RREB1: variants seen among roughly 807,000 people sequenced by gnomAD.
The protein encoded by RREB1 is ras responsive element binding protein 1, also known as ras-responsive element-binding protein 1.
A neutral mutation model predicts 117.8 loss-of-function variants in RREB1; 27 were observed. The observed-to-expected ratio is 0.23, with a 90% confidence interval of 0.17 to 0.32. RREB1 has a LOEUF of 0.32. Among genes scored for constraint, RREB1 ranks in the 10% least tolerant of loss-of-function variants. RREB1 has a pLI of 1.00. For missense variants in RREB1, 2,577 were observed against 2,378.2 expected, an observed-to-expected ratio of 1.08 and a Z score of -1.74; for synonymous variants, 1,298 against 1,026.7, an observed-to-expected ratio of 1.26 and a Z score of -5.05.
At position 7,231,270 on chromosome 6, in the gene RREB1, C is replaced by A; in HGVS notation, c.3171C>A (p.Pro1057=). ...PKPPLLLPKP[P]VTEELPPLAS... Reference sequence around the variant, plus strand: ...CCCCGCTGCTTTTGCCAAAGCCCCCCGTGACAGAAGAGCTGCCCCCGCTGG... The same window carrying A: ...CCCCGCTGCTTTTGCCAAAGCCCCCAGTGACAGAAGAGCTGCCCCCGCTGG... The change falls in exon 10 of 13, where the codon CCC becomes CCA. Residue 1057 remains proline, a synonymous_variant. Transcript: ENST00000379938. 1 of 1,612,150 alleles carries A rather than the reference C, an allele frequency of 6.2e-7. No homozygotes were observed. Among genetic ancestry groups the A allele is most frequent in the African/African-American group, 1.3e-5 (1 of 75,014 alleles).
chr6:7,231,359 C>G lies in RREB1; in HGVS notation c.3260C>G (p.Ala1087Gly). ...CCCACCCTGCTGAAAACCAAGGTGG[C>G]GGACCCAGGGCCCGCAAGCACTGGC... ...SAPTLLKTKV[A>G]DPGPASTGSN... The change falls in exon 10 of 13, where the codon GCG (alanine) becomes GGG (glycine). Residue 1087 changes from alanine (A) to glycine (G), a missense_variant. Transcript: ENST00000379938. 6.2e-7 allele frequency: 1 copy of G among 1,612,778 alleles called. No individual in the cohort carries two copies. Among genetic ancestry groups the G allele is most frequent in the Non-Finnish European group, 8.5e-7 (1 of 1,179,408 alleles).
chr6:7,231,076 A>G lies in RREB1; in HGVS notation c.2977A>G (p.Met993Val), dbSNP rs774006214. ...GCCCAGCGGAATCCTGGAAAGCCCCATGGCCCCTGCTCCGGCGGCCACCCC... is the reference window on the plus strand; with the variant it reads ...GCCCAGCGGAATCCTGGAAAGCCCCGTGGCCCCTGCTCCGGCGGCCACCCC... ...LGPSGILESP[M>V]APAPAATPEP... The change falls in exon 10 of 13, where the codon ATG (methionine) becomes GTG (valine). Residue 993 changes from methionine (M) to valine (V), a missense_variant. Coordinates refer to ENST00000379938, the MANE Select transcript of RREB1 (RefSeq NM_001003699.4). 24 of 1,613,372 alleles carry G rather than the reference A, an allele frequency of 1.5e-5. No homozygotes were observed. Among genetic ancestry groups the G allele is most frequent in the Non-Finnish European group, 1.9e-5 (22 of 1,179,950 alleles).
Position 7,230,590 on chromosome 6 carries a change from C to T in RREB1, c.2491C>T (p.Leu831=), listed in dbSNP as rs1767876754. 8.1e-6 allele frequency: 13 copies of T among 1,604,080 alleles called. No individual in the cohort carries two copies. Among genetic ancestry groups the T allele is most frequent in the Non-Finnish European group, 1.1e-5 (13 of 1,176,038 alleles). The change falls in exon 10 of 13, where the codon CTG becomes TTG. Residue 831 remains leucine (L), a synonymous_variant. Coordinates refer to ENST00000379938, the MANE Select transcript of RREB1 (RefSeq NM_001003699.4). Reference sequence around the variant, plus strand: ...GAGCTACGTGCTGGCCGCCGACGGCCTGGGCCCCGCAGAGGCGCCGGCCGC... The same window carrying T: ...GAGCTACGTGCTGGCCGCCGACGGCTTGGGCCCCGCAGAGGCGCCGGCCGC... ...IESYVLAADG[L]GPAEAPAAEA...
At chr6:7,172,355 C>G (rs892984451) in intron 1 of RREB1, among the ~76,000 whole-genome samples, 1 of 152,088 alleles carries the variant, frequency 6.6e-6, no homozygotes, top group Non-Finnish European at 1.5e-5. Context: ...CCCCCCTTCA[C>G]CTCTGCACTT....
chr6:7,211,076 A>T (rs78255764), intron 7 of RREB1, 128 bp downstream of exon 7: 1 of 922,550 alleles, frequency 1.1e-6, no homozygotes, highest in East Asian at 2.5e-5. Context: ...GTGTTTTCCC[A>T]TACTGTTTCT....
intron 1 of RREB1, among the ~76,000 whole-genome samples, chr6:7,111,467 A>G (rs1761141570): frequency 6.6e-6 from 1 of 152,200 alleles, no homozygotes; most frequent in South Asian, 2.1e-4. Context: ...GTTTCTGTTC[A>G]TTATCCTTCT....
chr6:7,158,225 C>T (rs987059185), intron 1 of RREB1, among the ~76,000 whole-genome samples: 3 of 152,134 alleles, frequency 2.0e-5, no homozygotes, highest in Non-Finnish European at 4.4e-5. Context: ...GAGCGACTCT[C>T]TTCCTTTCTG....
intron 1 of RREB1, among the ~76,000 whole-genome samples, chr6:7,124,518 C>T (rs1329929862): frequency 6.6e-6 from 1 of 152,064 alleles, no homozygotes; most frequent in Admixed American, 6.6e-5. Flanking sequence ...TCCTAAACAC[C>T]AGAAACTGCA....
chr6:7,122,860 T>TG (rs1380284516), intron 1 of RREB1, among the ~76,000 whole-genome samples: 1 of 152,010 alleles, frequency 6.6e-6, no homozygotes, highest in Middle Eastern at 3.2e-3. Context: ...TATCCAAAAT[T>TG]GGGGGTGATA....
chr6:7,176,877 A>G (rs1218720955), intron 2 of RREB1, 104 bp downstream of exon 2: 1 of 152,468 alleles, frequency 6.6e-6, no homozygotes, highest in Non-Finnish European at 1.5e-5. Context: ...TTTAATTGTC[A>G]TGCCATTTCC....
intron 1 of RREB1, among the ~76,000 whole-genome samples, chr6:7,139,596 A>G (rs185780540): frequency 6.6e-6 from 1 of 152,342 alleles, no homozygotes; most frequent in Admixed American, 6.5e-5. Flanking sequence ...TAAATATTCG[A>G]CAATATAACT....
chr6:7,201,494 T>TTCCC (rs1429243157), intron 6 of RREB1, among the ~76,000 whole-genome samples: 6 of 115,164 alleles, frequency 5.2e-5, no homozygotes, highest in African/African-American at 1.7e-4. Context: ...GGCAACATTG[T>TTCCC]CCCCCCCCCC....
intron 9 of RREB1, among the ~76,000 whole-genome samples, chr6:7,228,229 A>C (rs2714312): frequency 0.41 from 62,826 of 151,624 alleles, 15,397 homozygotes; most frequent in African/African-American, 0.69. Flanking sequence ...TTCCTCATAG[A>C]CCCTCCTAGG....
At chr6:7,155,983 A>G (rs1338283249) in intron 1 of RREB1, among the ~76,000 whole-genome samples, 1 of 152,226 alleles carries the variant, frequency 6.6e-6, no homozygotes, top group Non-Finnish European at 1.5e-5. Flanking sequence ...TAAAGATAGC[A>G]TCACCCCTTT....
rs778571088 is a variant in RREB1 at position 7,230,563 on chromosome 6, G to A, written c.2464G>A (p.Glu822Lys). ...QHLHVPEQDI[E>K]SYVLAADGLG... ...CCTGCACGTGCCCGAGCAGGACATC[G>A]AGAGCTACGTGCTGGCCGCCGACGG... is the stretch of plus-strand genomic sequence containing the variant. The change falls in exon 10 of 13, where the codon GAG becomes AAG. Residue 822 changes from glutamate (E) to lysine (K), a missense_variant. Glu to Lys is a moderately conservative substitution (Grantham distance 56). Coordinates refer to ENST00000379938, the MANE Select transcript of RREB1 (RefSeq NM_001003699.4). The A allele has an allele frequency of 1.9e-6, 3 of 1,601,544 alleles. No homozygotes were observed. The highest frequency in any genetic ancestry group is 2.5e-6 in the Non-Finnish European group (3 of 1,176,540).
rs1767893630 is a variant in RREB1 at position 7,230,761 on chromosome 6, C to T, written c.2662C>T (p.Pro888Ser). 6.2e-7 allele frequency: 1 copy of T among 1,610,946 alleles called. No homozygotes were observed. Among genetic ancestry groups the T allele is most frequent in the South Asian group, 1.1e-5 (1 of 90,732 alleles). ...TCCCCATGTCTCGATCAAGTTGGAG[C>T]CCGCCAGTAGCTTTGCGGTGGACTT... ...PPPHVSIKLE[P>S]ASSFAVDFNE... The change falls in exon 10 of 13, where the codon CCC becomes TCC. Residue 888 changes from proline to serine, a missense_variant. Pro to Ser is a moderately conservative substitution (Grantham distance 74). Transcript: ENST00000379938.
At chr6:7,245,811 C>T (rs969010289) in intron 11 of RREB1, among the ~76,000 whole-genome samples, 1 of 152,176 alleles carries the variant, frequency 6.6e-6, no homozygotes. Flanking sequence ...CCCTGGGAGG[C>T]TGACAGCTAG....
Position 7,231,432 on chromosome 6 carries a change from C to T in RREB1, c.3333C>T (p.Ala1111=), listed in dbSNP as rs757310867. The T allele has an allele frequency of 2.2e-5, 36 of 1,612,502 alleles. No homozygotes were observed. Among genetic ancestry groups the T allele is most frequent in the East Asian group, 1.1e-4 (5 of 44,854 alleles). ...SDSLGGSVPK[A]ATTATPAATT... is the part of the protein sequence containing the mutation. Reference sequence around the variant, plus strand: ...GCTTAGGAGGTTCTGTCCCCAAAGCCGCCACCACCGCCACCCCCGCTGCCA... The same window carrying T: ...GCTTAGGAGGTTCTGTCCCCAAAGCTGCCACCACCGCCACCCCCGCTGCCA... Residue 1111 remains alanine, a synonymous_variant, in exon 10 of 13, where the codon GCC becomes GCT. Transcript: ENST00000379938.
At chr6:7,175,587 T>C (rs1258351205) in intron 1 of RREB1, among the ~76,000 whole-genome samples, 3 of 152,190 alleles carry the variant, frequency 2.0e-5, no homozygotes, top group Non-Finnish European at 4.4e-5. Context: ...ATTTTACCTC[T>C]GAGTTTTCTC....
Sources: allele counts gnomAD v4.1 joint callset (sites outside exome capture counted in the v4.1 genomes callset), GRCh38; gene constraint gnomAD v4.1.1; transcripts MANE v1.5; gene names NCBI Gene and HGNC (gene_info 2026-07-23, HGNC 2026-07-21).